Variants in MPDU1 observed in about 807,000 individuals in gnomAD.
MPDU1 encodes mannose-P-dolichol utilization defect 1, also known as mannose-P-dolichol utilization defect 1 protein.
MPDU1 carries 18 observed loss-of-function variants against 27.6 expected under a neutral mutation model. The ratio of observed to expected loss-of-function variants is 0.65; its 90% confidence interval spans 0.45 to 0.97. The LOEUF (loss-of-function observed/expected upper bound fraction) is 0.97, where lower values mean the gene tolerates loss of function less well. Ranked by LOEUF, MPDU1 falls within the 50% of genes least tolerant of loss-of-function variation. The pLI is 0.00. For synonymous variants in MPDU1, 142 were observed against 131.1 expected (o/e 1.08, Z -0.57); for missense variants, 279 against 297.4 (o/e 0.94, Z 0.46).
intron 3 of MPDU1, 32 bp downstream of exon 3, chr17:7,586,110 A>G: frequency 6.2e-7 from 1 of 1,611,964 alleles, no homozygotes; most frequent in South Asian, 1.1e-5. Context: ...CCCAAGGGTA[A>G]TACCCACAAC....
chr17:7,584,298 C>G lies in MPDU1; in HGVS notation c.103+333C>G, dbSNP rs528857731. On this transcript the variant is annotated intron_variant, in intron 1 of 6. Coordinates refer to ENST00000250124, the MANE Select transcript of MPDU1 (RefSeq NM_004870.4). ...ATCGCTAGCAGGGTTAAACTTAATT[C>G]AAAGCCCCTGATGAATCGGGCCTTC... 2.7e-5 allele frequency: 15 copies of G among 560,214 alleles called. No homozygotes were observed. The African/African-American group carries it at 2.8e-4, about 11-fold the overall frequency. 34.7% of individuals were successfully genotyped at this position (560,214 alleles called of 1,614,324 possible). A position where few individuals can be genotyped will look rare whatever the true frequency, so the allele number is the denominator to read the frequency against.
upstream of MPDU1, chr17:7,583,669 C>T (rs776374277): frequency 8.0e-5 from 59 of 735,464 alleles, no homozygotes; most frequent in Non-Finnish European, 1.3e-4. Flanking sequence ...TCCAACAGCG[C>T]GTCCAAAACG....
rs191861465 is a variant in MPDU1, at chr17:7,584,696, G to C, written c.103+731G>C. Among the ~76,000 whole-genome samples the C allele has an allele frequency of 7.7e-3, 1,169 of 152,314 alleles. 25 individuals carry two copies. Among genetic ancestry groups the C allele is most frequent in the African/African-American group, 0.025 (1,054 of 41,556 alleles). ...GGCCAGGGACAGTCAGAGTGTTCAAGAAAGAGTGGTATGGGGCGGGCACGG... is the reference window on the plus strand; with the variant it reads ...GGCCAGGGACAGTCAGAGTGTTCAACAAAGAGTGGTATGGGGCGGGCACGG... On this transcript the variant is annotated intron_variant, in intron 1 of 6. Transcript: ENST00000250124.
Position 7,587,781 on chromosome 17 carries a change from C to T in MPDU1, c.*230C>T, listed in dbSNP as rs1279146605. ...AAGCCAAAATTTTGACATTTGAGTG[C>T]TTTCGTAAGCCCTGTACATGTACTA... is the stretch of plus-strand genomic sequence containing the variant. On this transcript the variant is annotated 3_prime_UTR_variant, in exon 7 of 7. Coordinates refer to ENST00000250124, the MANE Select transcript of MPDU1 (RefSeq NM_004870.4). The T allele has an allele frequency of 1.7e-5, 11 of 645,896 alleles. No individual in the cohort carries two copies. The highest frequency in any genetic ancestry group is 2.8e-5 in the Non-Finnish European group (10 of 352,248). 40.0% of individuals were successfully genotyped at this position (645,896 alleles called of 1,614,324 possible). A position where few individuals can be genotyped will look rare whatever the true frequency, so the allele number is the denominator to read the frequency against.
chr17:7,586,586 A>G (rs1372794623), intron 3 of MPDU1, 106 bp from the exon 4 acceptor site: 2 of 993,876 alleles, frequency 2.0e-6, no homozygotes, highest in Non-Finnish European at 3.2e-6. Context: ...TGGGGGCTGT[A>G]GAGAAGCGTG....
At chr17:7,586,240 G>T (rs527423020) in intron 3 of MPDU1, 162 bp downstream of exon 3, 1 of 809,980 alleles carries the variant, frequency 1.2e-6, no homozygotes, top group Non-Finnish European at 2.0e-6. Context: ...GAGGTCAGGA[G>T]TTCGAACTGG....
rs749101472 is a variant in MPDU1, at chr17:7,587,198, C to T, written c.545C>T (p.Thr182Ile). 6.8e-6 allele frequency: 11 copies of T among 1,614,022 alleles called. No homozygotes were observed. In the African/African-American group the frequency reaches 9.3e-5, roughly 14 times the overall value. Residue 182 changes from threonine to isoleucine, a missense_variant, in exon 6 of 7, where the codon ACA becomes ATA. By Grantham distance (89) the Thr-to-Ile change is moderately conservative. Transcript: ENST00000250124. Reference sequence around the variant, plus strand: ...GCCACCAACTACCACAACGGGCACACAGGCCAGCTCTCAGCCATCACAGTC... The same window carrying T: ...GCCACCAACTACCACAACGGGCACATAGGCCAGCTCTCAGCCATCACAGTC... Reference protein sequence around the residue: ...QAATNYHNGHTGQLSAITVFL... With the variant: ...QAATNYHNGHIGQLSAITVFL...
chr17:7,587,826 A>T lies in MPDU1; in HGVS notation c.*275A>T. On this transcript the variant is annotated 3_prime_UTR_variant, in exon 7 of 7. Transcript: ENST00000250124. The stretch of plus-strand genomic sequence containing the variant: ...GTACTATTAATTCAGTCATTCAGCC[A>T]AGCCTCCTCCTCTAGCAGCAATTTC... The T allele has an allele frequency of 1.8e-6, 1 of 563,852 alleles. No homozygotes were observed. The highest frequency in any genetic ancestry group is 1.5e-5 in the South Asian group (1 of 65,504). 34.9% of individuals were successfully genotyped at this position (563,852 alleles called of 1,614,324 possible). A position where few individuals can be genotyped will look rare whatever the true frequency, so the allele number is the denominator to read the frequency against.
upstream of MPDU1, chr17:7,583,844 C>T (rs777508200): frequency 2.5e-6 from 4 of 1,612,756 alleles, no homozygotes; most frequent in African/African-American, 4.0e-5. Context: ...GAGAGACTGG[C>T]GGAAGCTAGC....
intron 3 of MPDU1, chr17:7,586,398 C>T: frequency 1.9e-6 from 1 of 518,896 alleles, no homozygotes. Flanking sequence ...AAGATTGCGC[C>T]ACTGCACTCC....
Position 7,588,080 on chromosome 17 carries a change from T to C in MPDU1, c.*529T>C, listed in dbSNP as rs2071615556. The C allele has an allele frequency of 1.8e-6, 1 of 564,746 alleles. No individual in the cohort carries two copies. The highest frequency in any genetic ancestry group is 3.3e-6 in the Non-Finnish European group (1 of 298,590). The allele number at this position is 564,746 out of a possible 1,614,324, so 35.0% of individuals were successfully genotyped here. On this transcript the variant is annotated 3_prime_UTR_variant, in exon 7 of 7. Transcript: ENST00000250124. The stretch of plus-strand genomic sequence containing the variant: ...AGGGCCCCAGGGTGGGGTGAGGAGG[T>C]TCCTGCTCTGGCAGGTCTAGGCGGA...
In MPDU1 at chr17:7,587,403, C is replaced by G. The variant is rs749576607; in HGVS notation, c.619-23C>G. Reference sequence around the variant, plus strand: ...TCTTGAGCTATGCTGAAGGGTAACCCTGGCTCTGTCTCTTGCAACCAGGAA... The same window carrying G: ...TCTTGAGCTATGCTGAAGGGTAACCGTGGCTCTGTCTCTTGCAACCAGGAA... On this transcript the variant is annotated intron_variant, in intron 6 of 6. Coordinates refer to ENST00000250124, the MANE Select transcript of MPDU1 (RefSeq NM_004870.4). The G allele has an allele frequency of 3.7e-6, 6 of 1,613,894 alleles. No homozygotes were observed. The Admixed American group carries it at 6.7e-5, about 18-fold the overall frequency.
chr17:7,585,763 C>T lies in MPDU1; in HGVS notation c.135C>T (p.Gly45=), dbSNP rs749922377. 6.2e-7 allele frequency: 1 copy of T among 1,614,148 alleles called. No individual in the cohort carries two copies. The highest frequency in any genetic ancestry group is 1.1e-5 in the South Asian group (1 of 91,082). ...VPCLKILLSK[G]LGLGIVAGSL... Reference sequence around the variant, plus strand: ...GCCTCAAGATTCTCCTCAGCAAAGGCCTGGGGCTGGGCATTGTGGCTGGCT... The same window carrying T: ...GCCTCAAGATTCTCCTCAGCAAAGGTCTGGGGCTGGGCATTGTGGCTGGCT... Residue 45 remains glycine, a synonymous_variant, in exon 2 of 7, where the codon GGC becomes GGT. Coordinates refer to ENST00000250124, the MANE Select transcript of MPDU1 (RefSeq NM_004870.4).
rs374360264 is a variant in MPDU1, at chr17:7,583,926, T to C, written c.64T>C (p.Cys22Arg). 1 of 1,614,194 alleles carries C rather than the reference T, an allele frequency of 6.2e-7. No individual in the cohort carries two copies. The highest frequency in any genetic ancestry group is 8.5e-7 in the Non-Finnish European group (1 of 1,180,044). ...LLVPILLPEK[C>R]YDQLFVQWDL... ...CGTGCCGATTCTTTTACCTGAGAAATGCTACGACCAACTTTTCGTTCAGTG... is the reference window on the plus strand; with the variant it reads ...CGTGCCGATTCTTTTACCTGAGAAACGCTACGACCAACTTTTCGTTCAGTG... The change falls in exon 1 of 7, where the codon TGC (cysteine) becomes CGC (arginine). Residue 22 changes from cysteine to arginine, a missense_variant. Coordinates refer to ENST00000250124, the MANE Select transcript of MPDU1 (RefSeq NM_004870.4).
rs147742866 is a variant in MPDU1, at chr17:7,587,469, C to G, written c.662C>G (p.Ser221Cys). ...PLMAGTFVVSSLCNGLIAAQL... is the reference protein window; with the variant it reads ...PLMAGTFVVSCLCNGLIAAQL... Reference sequence around the variant, plus strand: ...ATGGCTGGGACCTTTGTGGTCTCCTCTCTCTGCAACGGCCTCATCGCCGCC... The same window carrying G: ...ATGGCTGGGACCTTTGTGGTCTCCTGTCTCTGCAACGGCCTCATCGCCGCC... The change falls in exon 7 of 7, where the codon TCT (serine) becomes TGT (cysteine). Residue 221 changes from serine to cysteine, a missense_variant. Ser to Cys is a moderately radical substitution (Grantham distance 112, BLOSUM62 -1). Coordinates refer to ENST00000250124, the MANE Select transcript of MPDU1 (RefSeq NM_004870.4). 612 of 1,613,830 alleles carry G rather than the reference C, an allele frequency of 3.8e-4. 2 individuals are homozygous for G. The African/African-American group carries it at 7.4e-3, about 20-fold the overall frequency.
chr17:7,584,276 G>A (rs2071544528), intron 1 of MPDU1: 1 of 582,372 alleles, frequency 1.7e-6, no homozygotes, highest in Admixed American at 3.1e-5. Context: ...TTATTAGATC[G>A]CTAGCAGGGT....
chr17:7,584,624 G>A (rs931826744), intron 1 of MPDU1, among the ~76,000 whole-genome samples: 1 of 152,172 alleles, frequency 6.6e-6, no homozygotes, highest in Non-Finnish European at 1.5e-5. Flanking sequence ...GGATGGCCAG[G>A]GCATAAAAGC....
chr17:7,586,134 A>G, intron 3 of MPDU1, 56 bp downstream of exon 3: 2 of 1,605,656 alleles, frequency 1.2e-6, no homozygotes, highest in South Asian at 1.1e-5. Context: ...AATGGGGATT[A>G]AGGTGAAGGA....
chr17:7,585,993 G>T lies in MPDU1; in HGVS notation c.217G>T (p.Gly73Trp). Residue 73 changes from glycine (G) to tryptophan (W), a missense_variant, in exon 3 of 7, where the codon GGG becomes TGG. Physicochemically the swap from Gly to Trp is radical, Grantham distance 184 (BLOSUM62 -2). Transcript: ENST00000250124. ...AATCCTGGGAGCCAAGAGTGCTGAA[G>T]GGTTGAGTCTCCAGTCTGTAATGCT... ...FKILGAKSAE[G>W]LSLQSVMLEL... 1 of 1,614,168 alleles carries T rather than the reference G, an allele frequency of 6.2e-7. No homozygotes were observed.
Sources: allele counts gnomAD v4.1 joint callset (sites outside exome capture counted in the v4.1 genomes callset), GRCh38; gene constraint gnomAD v4.1.1; transcripts MANE v1.5; gene names NCBI Gene and HGNC (gene_info 2026-07-23, HGNC 2026-07-21).